Variants in GDAP2 observed in about 807,000 individuals in gnomAD.
GDAP2 encodes ganglioside-induced differentiation-associated protein 2.
GDAP2 carries 51 observed loss-of-function variants against 67.0 expected under a neutral mutation model. The ratio of observed to expected loss-of-function variants is 0.76; its 90% CI spans 0.61 to 0.96. The LOEUF (loss-of-function observed/expected upper bound fraction) is 0.96, where lower values mean the gene tolerates loss of function less well. Ranked by LOEUF, GDAP2 falls within the 40% of genes least tolerant of loss-of-function variation. GDAP2 has a pLI of 0.00. For missense variants in GDAP2, 547 were observed against 588.3 expected (o/e 0.93, Z 0.73); for synonymous variants, 203 against 207.3 (o/e 0.98, Z 0.18).
chr1:117,923,004 T>C (rs1650310794), intron 1 of GDAP2, among the ~76,000 whole-genome samples: 1 of 152,210 alleles, frequency 6.6e-6, no homozygotes, highest in African/African-American at 2.4e-5. Flanking sequence ...CTGTTAATTA[T>C]TAATATTCCT....
chr1:117,870,317 T>G lies in GDAP2; in HGVS notation c.*252A>C. The G allele has an allele frequency of 2.1e-6, 1 of 479,512 alleles. No individual in the cohort carries two copies. Among genetic ancestry groups the G allele is most frequent in the Non-Finnish European group, 3.7e-6 (1 of 273,186 alleles). 29.7% of individuals were successfully genotyped at this position (479,512 alleles called of 1,614,324 possible). A position where few individuals can be genotyped will look rare whatever the true frequency, so the allele number is the denominator to read the frequency against. On this transcript the variant is annotated 3_prime_UTR_variant, in exon 14 of 14. Coordinates refer to ENST00000369443, the MANE Select transcript of GDAP2 (RefSeq NM_017686.4). The stretch of plus-strand genomic sequence containing the variant: ...TACTCAAAAGTTGCTCCCCAATTTC[T>G]ATTAACAATCTAAAAATGAACATTT...
intron 5 of GDAP2, among the ~76,000 whole-genome samples, chr1:117,909,098 T>G (rs1344421920): frequency 6.6e-6 from 1 of 152,174 alleles, no homozygotes; most frequent in Non-Finnish European, 1.5e-5. Context: ...CCTTTCAAAG[T>G]TTCATCTGTG....
At chr1:117,892,777 C>CA (rs1557800154) in intron 8 of GDAP2, among the ~76,000 whole-genome samples, 4 of 151,886 alleles carry the variant, frequency 2.6e-5, no homozygotes, top group East Asian at 3.9e-4. Flanking sequence ...AGCTGAATGA[C>CA]AAAAAAAATT....
intron 3 of GDAP2, among the ~76,000 whole-genome samples, chr1:117,913,133 C>A (rs1438369767): frequency 1.3e-5 from 2 of 152,162 alleles, no homozygotes; most frequent in African/African-American, 2.4e-5. Flanking sequence ...TGTTACAACC[C>A]AATTTCCTAT....
Position 117,868,005 on chromosome 1 carries a change from A to C in GDAP2, c.*2564T>G, listed in dbSNP as rs998231932. Reference sequence around the variant, plus strand: ...ATTCAATTAGCATTTGGCATGACCAAAGTTTAATTAAATTAAAGACTTGGT... The same window carrying C: ...ATTCAATTAGCATTTGGCATGACCACAGTTTAATTAAATTAAAGACTTGGT... On this transcript the variant is annotated 3_prime_UTR_variant, in exon 14 of 14. Coordinates refer to ENST00000369443, the MANE Select transcript of GDAP2 (RefSeq NM_017686.4). 2 of 152,236 alleles carry C rather than the reference A, an allele frequency of 1.3e-5. No individual in the cohort carries two copies. The highest frequency in any genetic ancestry group is 2.4e-5 in the African/African-American group (1 of 41,462). 9.4% of individuals were successfully genotyped at this position (152,236 alleles called of 1,614,324 possible).
intron 13 of GDAP2, chr1:117,877,714 G>C: frequency 9.1e-7 from 1 of 1,097,510 alleles, no homozygotes; most frequent in Non-Finnish European, 1.1e-6. Flanking sequence ...ATTAGGCAGA[G>C]GTATCTGTTT....
At chr1:117,876,882 G>C (rs1648474053) in intron 13 of GDAP2, among the ~76,000 whole-genome samples, 1 of 152,180 alleles carries the variant, frequency 6.6e-6, no homozygotes, top group South Asian at 2.1e-4. Flanking sequence ...GCTATGAATT[G>C]TCTTCAAAAT....
Position 117,869,511 on chromosome 1 carries a change from TTTCTAAATGCTATC to T in GDAP2, c.*1044_*1057del, listed in dbSNP as rs1212000252. 2.0e-5 allele frequency: 3 copies of T among 152,598 alleles called. No homozygotes were observed. Among genetic ancestry groups the T allele is most frequent in the African/African-American group, 7.2e-5 (3 of 41,434 alleles). 9.5% of individuals were successfully genotyped at this position (152,598 alleles called of 1,614,324 possible). ...AAGATACCCCACCACAACAAAGCCC[TTTCTAAATGCTATC>T]TTCATGATACCTCTGTGAGGTAGGC... On this transcript the variant is annotated 3_prime_UTR_variant, in exon 14 of 14. Coordinates refer to ENST00000369443, the MANE Select transcript of GDAP2 (RefSeq NM_017686.4).
rs1169059676 is a variant in GDAP2, at chr1:117,866,094, T to C, written c.*4475A>G. The C allele has an allele frequency of 6.6e-6, 1 of 152,226 alleles. No individual in the cohort carries two copies. Among genetic ancestry groups the C allele is most frequent in the Non-Finnish European group, 1.5e-5 (1 of 68,040 alleles). The allele number at this position is 152,226 out of a possible 1,614,324, so 9.4% of individuals were successfully genotyped here. ...AGGTATGTTATGAACTGAATGCTTA[T>C]GTTCTCCTCCTCGTCTGCAAATTCA... On this transcript the variant is annotated 3_prime_UTR_variant, in exon 14 of 14. Transcript: ENST00000369443.
At chr1:117,903,239 G>A (rs1034830198) in intron 6 of GDAP2, among the ~76,000 whole-genome samples, 4 of 151,826 alleles carry the variant, frequency 2.6e-5, no homozygotes, top group South Asian at 2.1e-4. Context: ...CTTTTACTTC[G>A]TTCTTTTCAA....
chr1:117,896,733 G>T, intron 8 of GDAP2, 100 bp downstream of exon 8: 2 of 663,940 alleles, frequency 3.0e-6, no homozygotes, highest in Non-Finnish European at 4.7e-6. Flanking sequence ...AAATAAATTG[G>T]AATGCATTAT....
At chr1:117,895,583 C>T (rs2101135236) in intron 8 of GDAP2, among the ~76,000 whole-genome samples, 1 of 152,130 alleles carries the variant, frequency 6.6e-6, no homozygotes, top group East Asian at 1.9e-4. Flanking sequence ...TGTGAGGAGC[C>T]CAGGCACCGT....
At chr1:117,921,037 T>C (rs1650233832) in intron 1 of GDAP2, among the ~76,000 whole-genome samples, 2 of 152,062 alleles carry the variant, frequency 1.3e-5, no homozygotes, top group South Asian at 4.1e-4. Context: ...ATACAAACAT[T>C]AGAAGAGGAG....
chr1:117,881,980 T>G, intron 11 of GDAP2, 103 bp from the exon 12 acceptor site: 1 of 649,648 alleles, frequency 1.5e-6, no homozygotes, highest in South Asian at 1.9e-5. Context: ...ATAAATATAT[T>G]CAGAGAAAAA....
chr1:117,908,811 T>C (rs113921559), intron 5 of GDAP2, among the ~76,000 whole-genome samples: 1,732 of 151,834 alleles, frequency 0.011, 31 homozygotes, highest in African/African-American at 0.04. Flanking sequence ...GGCGACAGTG[T>C]ATGACTCTAT....
Position 117,873,980 on chromosome 1 carries a change from T to C in GDAP2, c.1447-3364A>G, listed in dbSNP as rs570444792. On this transcript the variant is annotated intron_variant, in intron 13 of 13. Coordinates refer to ENST00000369443, the MANE Select transcript of GDAP2 (RefSeq NM_017686.4). Reference sequence around the variant, plus strand: ...TACCCTTCCCTCTCTAGTCATTCTCTGTGCTGTTTCTACAGTCATTGTCTA... The same window carrying C: ...TACCCTTCCCTCTCTAGTCATTCTCCGTGCTGTTTCTACAGTCATTGTCTA... Among the ~76,000 whole-genome samples the C allele has an allele frequency of 2.1e-4, 32 of 152,326 alleles. No homozygotes were observed. The South Asian group carries it at 6.4e-3, about 31-fold the overall frequency.
chr1:117,908,215 C>T lies in GDAP2; in HGVS notation c.560-1633G>A, dbSNP rs1360644349. Among the ~76,000 whole-genome samples the T allele has an allele frequency of 3.3e-5, 5 of 152,132 alleles. No homozygotes were observed. The South Asian group carries it at 8.3e-4, about 25-fold the overall frequency. ...CACCCTTCATTTTAAGAATTTCTCA[C>T]ATTTTATAGCTAGACTAAGCTTTTT... On this transcript the variant is annotated intron_variant, in intron 5 of 13. Coordinates refer to ENST00000369443, the MANE Select transcript of GDAP2 (RefSeq NM_017686.4).
chr1:117,909,158 A>G (rs886234696), intron 5 of GDAP2, among the ~76,000 whole-genome samples: 4 of 152,200 alleles, frequency 2.6e-5, no homozygotes, highest in Admixed American at 2.6e-4. Flanking sequence ...ATACCTAGTG[A>G]ATACCCTATA....
intron 5 of GDAP2, among the ~76,000 whole-genome samples, chr1:117,911,117 C>G (rs1649841155): frequency 6.6e-6 from 1 of 152,202 alleles, no homozygotes; most frequent in Non-Finnish European, 1.5e-5. Flanking sequence ...AGAAACACCA[C>G]TACTGTTTCA....
Sources: allele counts gnomAD v4.1 joint callset (sites outside exome capture counted in the v4.1 genomes callset), GRCh38; gene constraint gnomAD v4.1.1; transcripts MANE v1.5; gene names NCBI Gene and HGNC (gene_info 2026-07-23, HGNC 2026-07-21).